The following MYO3B variants were observed in gnomAD, a reference collection of about 807,000 sequenced individuals.
The protein encoded by MYO3B is myosin-IIIb.
Under a neutral mutation model 174.6 loss-of-function variants are expected in MYO3B, and 156 were observed. The ratio of observed to expected loss-of-function variants is 0.89; its 90% CI spans 0.78 to 1.02. MYO3B has a LOEUF of 1.02. Among genes scored for constraint, MYO3B ranks in the 50% least tolerant of loss-of-function variants. The pLI is 0.00. For synonymous variants in MYO3B, 563 were observed against 569.1 expected (o/e 0.99, Z 0.15); for missense variants, 1,632 against 1,639.4 (o/e 1.00, Z 0.08).
chr2:170,478,889 T>TACAC (rs143792197), intron 25 of MYO3B, among the ~76,000 whole-genome samples: 23,383 of 137,044 alleles, frequency 0.17, 2,047 homozygotes, highest in Non-Finnish European at 0.21. Context: ...AGGTTTTACA[T>TACAC]ACACACACAC....
intron 17 of MYO3B, 110 bp downstream of exon 17, chr2:170,400,424 GA>G: frequency 1.0e-6 from 1 of 976,126 alleles, no homozygotes; most frequent in South Asian, 1.7e-5. Flanking sequence ...TTTTTTTATC[GA>G]GATGGAGTCT....
intron 6 of MYO3B, among the ~76,000 whole-genome samples, chr2:170,226,621 C>T (rs973484094): frequency 3.3e-5 from 5 of 151,952 alleles, no homozygotes; most frequent in African/African-American, 7.3e-5. Context: ...AGTGTGGAGG[C>T]GGGGGGCTGA....
At chr2:170,545,216 C>G (rs938031931) in intron 32 of MYO3B, among the ~76,000 whole-genome samples, 1 of 152,266 alleles carries the variant, frequency 6.6e-6, no homozygotes, top group Non-Finnish European at 1.5e-5. Flanking sequence ...ACCATACTGA[C>G]AGGTTCTGGC....
chr2:170,552,022 A>G (rs1218598353), intron 32 of MYO3B, among the ~76,000 whole-genome samples: 2 of 152,078 alleles, frequency 1.3e-5, no homozygotes, highest in Admixed American at 6.6e-5. Context: ...TGCCTCCTGT[A>G]CACCCTGTGG....
At chr2:170,478,569 TTG>T (rs2106003208) in intron 25 of MYO3B, among the ~76,000 whole-genome samples, 1 of 82,954 alleles carries the variant, frequency 1.2e-5, no homozygotes, top group South Asian at 9.2e-4. Context: ...ACAGGTTTTT[TTG>T]TGTTTTTTTT....
At chr2:170,293,723 T>C (rs1046911295) in intron 7 of MYO3B, among the ~76,000 whole-genome samples, 3 of 152,184 alleles carry the variant, frequency 2.0e-5, no homozygotes, top group Admixed American at 2.0e-4. Context: ...ACCTCACCTT[T>C]TGAGACCACA....
At chr2:170,451,137 A>T (rs146911681) in intron 23 of MYO3B, among the ~76,000 whole-genome samples, 1 of 152,332 alleles carries the variant, frequency 6.6e-6, no homozygotes, top group African/African-American at 2.4e-5. Flanking sequence ...ACCACATTCT[A>T]CTTTCCTTCT....
chr2:170,413,913 G>A (rs931241166), intron 22 of MYO3B, among the ~76,000 whole-genome samples: 5 of 151,976 alleles, frequency 3.3e-5, no homozygotes, highest in South Asian at 2.1e-4. Context: ...GGTGGTGGGC[G>A]CCTGTAGTCC....
At chr2:170,621,330 T>C (rs1230221083) in intron 32 of MYO3B, among the ~76,000 whole-genome samples, 3 of 152,170 alleles carry the variant, frequency 2.0e-5, no homozygotes, top group Non-Finnish European at 4.4e-5. Flanking sequence ...ATATGGAGTA[T>C]CTGGTACATA....
At chr2:170,541,422 C>T (rs78399413) in intron 30 of MYO3B, among the ~76,000 whole-genome samples, 2,649 of 152,208 alleles carry the variant, frequency 0.017, 62 homozygotes, top group East Asian at 0.089. Flanking sequence ...CAGACAAACA[C>T]GGGTGAATGC....
At chr2:170,344,427 C>T (rs751573391) in intron 8 of MYO3B, 3 of 139,448 alleles carry the variant, frequency 2.2e-5, no homozygotes, top group Non-Finnish European at 3.0e-5. Context: ...GATCACATCA[C>T]TGCACTCCAG....
At chr2:170,384,808 G>A (rs2094361620) in intron 12 of MYO3B, among the ~76,000 whole-genome samples, 1 of 152,090 alleles carries the variant, frequency 6.6e-6, no homozygotes, top group African/African-American at 2.4e-5. Flanking sequence ...CACCAACTGG[G>A]TGCCCAACAA....
chr2:170,368,667 G>A (rs751036066), intron 8 of MYO3B, among the ~76,000 whole-genome samples: 11 of 152,112 alleles, frequency 7.2e-5, no homozygotes, highest in Non-Finnish European at 1.6e-4. Context: ...CTCACTTCCT[G>A]TTCTGTGGTT....
chr2:170,225,968 T>C (rs1283260425), intron 6 of MYO3B, among the ~76,000 whole-genome samples: 1 of 152,202 alleles, frequency 6.6e-6, no homozygotes, highest in Non-Finnish European at 1.5e-5. Context: ...GCTTAGGTAG[T>C]CTTTGCCTTT....
rs1377898338 is a variant in MYO3B, at chr2:170,387,287, C to A, written c.1556C>A (p.Ser519Tyr). The change falls in exon 14 of 35, where the codon TCC becomes TAC. Residue 519 changes from serine to tyrosine, a missense_variant. Physicochemically the swap from Ser to Tyr is moderately radical, Grantham distance 144 (BLOSUM62 -2). Transcript: ENST00000408978. Reference protein sequence around the residue: ...ARISEYLLEKSRVIKQAAREK... With the variant: ...ARISEYLLEKYRVIKQAAREK... ...ATCTCTGAATATCTCCTGGAAAAAT[C>A]CAGAGTTATAAAACAGGCAGCGTAG... The A allele has an allele frequency of 6.2e-7, 1 of 1,613,954 alleles. No homozygotes were observed. The highest frequency in any genetic ancestry group is 1.7e-5 in the Admixed American group (1 of 59,992).
intron 3 of MYO3B, among the ~76,000 whole-genome samples, chr2:170,213,347 C>T (rs563828460): frequency 6.4e-4 from 97 of 152,276 alleles, no homozygotes; most frequent in African/African-American, 2.2e-3. Context: ...GTGAGAGAGT[C>T]GTGATCGATT....
intron 32 of MYO3B, among the ~76,000 whole-genome samples, chr2:170,629,967 A>T (rs1365926001): frequency 6.6e-6 from 1 of 152,224 alleles, no homozygotes; most frequent in Non-Finnish European, 1.5e-5. Flanking sequence ...GAACAGCTCC[A>T]TTCTACACCT....
intron 15 of MYO3B, 127 bp downstream of exon 15, chr2:170,391,745 G>A (rs2105767479): frequency 1.6e-6 from 1 of 609,106 alleles, no homozygotes; most frequent in Non-Finnish European, 2.9e-6. Flanking sequence ...AGTGCCCAGG[G>A]TGAGGTGGCA....
intron 7 of MYO3B, among the ~76,000 whole-genome samples, chr2:170,283,035 G>C (rs765481241): frequency 5.3e-5 from 8 of 152,174 alleles, no homozygotes; most frequent in Admixed American, 2.0e-4. Context: ...GTGCTCCCAA[G>C]AGGCAGAGAT....
Sources: allele counts gnomAD v4.1 joint callset (sites outside exome capture counted in the v4.1 genomes callset), GRCh38; gene constraint gnomAD v4.1.1; transcripts MANE v1.5; gene names NCBI Gene and HGNC (gene_info 2026-07-23, HGNC 2026-07-21).